TNRC6B: variants seen among roughly 807,000 people sequenced by gnomAD.
TNRC6B encodes the protein trinucleotide repeat containing adaptor 6B.
Under a neutral mutation model 203.6 loss-of-function variants are expected in TNRC6B, and 52 were observed. The ratio of observed to expected loss-of-function variants is 0.26; its 90% CI spans 0.20 to 0.32. The LOEUF is 0.32. Ranked by LOEUF, TNRC6B falls within the 10% of genes least tolerant of loss-of-function variation. TNRC6B has a pLI of 1.00. For missense variants in TNRC6B, 1,923 were observed against 2,286.2 expected (o/e 0.84, Z 3.24); for synonymous variants, 838 against 845.7 (o/e 0.99, Z 0.16).
At position 40,335,341 on chromosome 22, in the gene TNRC6B, G is replaced by A. The variant is rs1406106706; in HGVS notation, c.*12100G>A. On this transcript the variant is annotated 3_prime_UTR_variant, in exon 23 of 23. Coordinates refer to ENST00000454349, the MANE Select transcript of TNRC6B (RefSeq NM_001162501.2). The stretch of plus-strand genomic sequence containing the variant: ...TTTTATTTTCCTTTTTAGTATAGTG[G>A]TACTTAAAATCACTGGTTCACTTAA... 1 of 150,980 alleles carries A rather than the reference G, an allele frequency of 6.6e-6. No homozygotes were observed. Among genetic ancestry groups the A allele is most frequent in the East Asian group, 1.9e-4 (1 of 5,158 alleles). The allele number at this position is 150,980 out of a possible 1,614,324, so 9.4% of individuals were successfully genotyped here. A position where few individuals can be genotyped will look rare whatever the true frequency, so the allele number is the denominator to read the frequency against.
chr22:40,315,126 A>C (rs2071240100), intron 19 of TNRC6B, among the ~76,000 whole-genome samples, 157 bp from the exon 20 acceptor site: 2 of 152,230 alleles, frequency 1.3e-5, no homozygotes, highest in South Asian at 4.1e-4. Flanking sequence ...CTCTAAGAAC[A>C]GTGTTATTTT....
chr22:40,127,510 C>T (rs1436757151), intron 3 of TNRC6B, among the ~76,000 whole-genome samples: 1 of 152,116 alleles, frequency 6.6e-6, no homozygotes, highest in Non-Finnish European at 1.5e-5. Context: ...ACCCAAGATA[C>T]ACACACCCCA....
intron 4 of TNRC6B, among the ~76,000 whole-genome samples, chr22:40,264,367 AG>A (rs1215674423): frequency 2.0e-5 from 3 of 152,202 alleles, no homozygotes; most frequent in Admixed American, 2.0e-4. Flanking sequence ...AGGGGTGTTT[AG>A]AGTAGGTTGA....
intron 4 of TNRC6B, among the ~76,000 whole-genome samples, chr22:40,264,088 A>G (rs1005068348): frequency 6.6e-6 from 1 of 152,232 alleles, no homozygotes; most frequent in African/African-American, 2.4e-5. Context: ...TGAATTCAGC[A>G]GGAAAACACA....
At chr22:40,096,329 T>C (rs574792154) in intron 1 of TNRC6B, among the ~76,000 whole-genome samples, 7 of 152,364 alleles carry the variant, frequency 4.6e-5, no homozygotes, top group African/African-American at 1.4e-4. Flanking sequence ...ATGGTTGTTA[T>C]GGATAATCAG....
At chr22:40,139,875 T>C (rs1373227496) in intron 3 of TNRC6B, among the ~76,000 whole-genome samples, 2 of 152,206 alleles carry the variant, frequency 1.3e-5, no homozygotes, top group Non-Finnish European at 2.9e-5. Context: ...ACTACACCAT[T>C]TTATATTCTC....
At chr22:40,216,826 A>G (rs1397160297) in intron 1 of TNRC6B, among the ~76,000 whole-genome samples, 1 of 152,120 alleles carries the variant, frequency 6.6e-6, no homozygotes, top group Non-Finnish European at 1.5e-5. Context: ...AATATTGAAA[A>G]CGTACATACT....
In TNRC6B at chr22:40,265,315, G is replaced by A. The variant is rs377243434; in HGVS notation, c.1085G>A (p.Arg362Lys). The A allele has an allele frequency of 5.1e-5, 82 of 1,613,912 alleles. No individual in the cohort carries two copies. Among genetic ancestry groups the A allele is most frequent in the Non-Finnish European group, 6.4e-5 (75 of 1,179,898 alleles). ...NAGVNFVVSG[R>K]EQAQIHNTDG... The stretch of plus-strand genomic sequence containing the variant: ...GGTGTTAATTTTGTTGTCTCTGGCA[G>A]AGAACAGGCTCAAATTCATAACACT... Residue 362 changes from arginine to lysine, a missense_variant, in exon 5 of 23, where the codon AGA becomes AAA. By Grantham distance (26) the Arg-to-Lys change is conservative. Transcript: ENST00000454349.
At chr22:40,163,983 C>T (rs2085952518) in intron 4 of TNRC6B, among the ~76,000 whole-genome samples, 1 of 152,016 alleles carries the variant, frequency 6.6e-6, no homozygotes, top group African/African-American at 2.4e-5. Flanking sequence ...GCACAAAAAG[C>T]ATCTATAAAT....
intron 1 of TNRC6B, among the ~76,000 whole-genome samples, chr22:40,205,182 G>A (rs138562683): frequency 6.6e-6 from 1 of 152,202 alleles, no homozygotes; most frequent in Admixed American, 6.5e-5. Flanking sequence ...AAATTGTCAG[G>A]ATCTTTTGTC....
intron 7 of TNRC6B, among the ~76,000 whole-genome samples, 197 bp downstream of exon 7, chr22:40,273,797 A>G (rs571198834): frequency 1.3e-5 from 2 of 152,090 alleles, no homozygotes; most frequent in Non-Finnish European, 2.9e-5. Context: ...AGTAGCCGGA[A>G]CTATCACCAT....
At position 40,265,896 on chromosome 22, in the gene TNRC6B, C is replaced by T. The variant is rs577376433; in HGVS notation, c.1666C>T (p.Pro556Ser). 66 of 1,613,888 alleles carry T rather than the reference C, an allele frequency of 4.1e-5. No homozygotes were observed. Among genetic ancestry groups the T allele is most frequent in the Non-Finnish European group, 5.1e-5 (60 of 1,179,900 alleles). Residue 556 changes from proline (P) to serine (S), a missense_variant, in exon 5 of 23, where the codon CCC becomes TCC. By Grantham distance (74) the Pro-to-Ser change is moderately conservative. This residue lies in a region of TNRC6B where 614 missense variants were observed against 587.7 expected (regional missense o/e 1.04). Coordinates refer to ENST00000454349, the MANE Select transcript of TNRC6B (RefSeq NM_001162501.2). ...TGAAAACCAAGGCAATGCCCAGGCT[C>T]CCTGTTGGGGAAGATCTTCCAGCTC... ...LPENQGNAQAPCWGRSSSSTG... is the reference protein window; with the variant it reads ...LPENQGNAQASCWGRSSSSTG...
intron 1 of TNRC6B, among the ~76,000 whole-genome samples, chr22:40,062,563 T>C (rs910946176): frequency 5.3e-5 from 8 of 152,150 alleles, no homozygotes; most frequent in Admixed American, 4.6e-4. Flanking sequence ...CAGACTATTT[T>C]CAAAAAGGGC....
intron 7 of TNRC6B, among the ~76,000 whole-genome samples, chr22:40,276,035 T>A (rs184265631): frequency 1.3e-5 from 2 of 151,588 alleles, no homozygotes; most frequent in African/African-American, 4.8e-5. Flanking sequence ...CTTTCAAGGA[T>A]AATAAAATTG....
rs1224881512 is a variant in TNRC6B, at chr22:40,261,820, CCT to C, written c.116-7_116-6del. 5 of 1,526,608 alleles carry C rather than the reference CCT, an allele frequency of 3.3e-6. No individual in the cohort carries two copies. Among genetic ancestry groups the C allele is most frequent in the East Asian group, 2.3e-5 (1 of 43,456 alleles). The allele number at this position is 1,526,608 out of a possible 1,614,324, so 94.6% of individuals were successfully genotyped here. A position where few individuals can be genotyped will look rare whatever the true frequency, so the allele number is the denominator to read the frequency against. ...GTATTTCAAAGACTGTTTCCCAACC[CCT>C]CTCTTTTAGTGCCCGAAGTGACGAA... On this transcript the variant is annotated splice_polypyrimidine_tract_variant and intron_variant, in intron 3 of 22. Transcript: ENST00000454349.
At chr22:40,099,254 G>GAA (rs60507984) in intron 1 of TNRC6B, among the ~76,000 whole-genome samples, 1 of 121,582 alleles carries the variant, frequency 8.2e-6, no homozygotes. Context: ...ACTCTGTCTC[G>GAA]AAAAAAAAAA....
In TNRC6B at chr22:40,178,030, T is replaced by G; in HGVS notation, c.-106T>G. The stretch of plus-strand genomic sequence containing the variant: ...TCTGCTGGTTTCTGAATATTTAAAA[T>G]ACAAAAAAACAGATAGACAAAAAGA... On this transcript the variant is annotated 5_prime_UTR_variant, in exon 1 of 23. Transcript: ENST00000454349. The G allele has an allele frequency of 6.4e-7, 1 of 1,572,294 alleles. No homozygotes were observed. The highest frequency in any genetic ancestry group is 8.6e-7 in the Non-Finnish European group (1 of 1,164,930).
chr22:40,163,966 G>T (rs540205632), intron 4 of TNRC6B, among the ~76,000 whole-genome samples: 1 of 151,990 alleles, frequency 6.6e-6, no homozygotes, highest in Admixed American at 6.6e-5. Context: ...GCCTAGAGAG[G>T]TGCCTGGCAC....
At chr22:40,106,749 G>A (rs904746941) in intron 1 of TNRC6B, 8 of 778,494 alleles carry the variant, frequency 1.0e-5, no homozygotes, top group African/African-American at 6.7e-5. Flanking sequence ...AACACCTTTC[G>A]GACCTTTGGG....
Sources: gnomAD v4.1 joint callset for allele counts (sites outside exome capture counted in the v4.1 genomes callset) on GRCh38, gnomAD v4.1.1 for gene constraint, gnomAD v4.1.1 regional missense constraint, MANE v1.5 for transcripts, NCBI Gene and HGNC (gene_info 2026-07-23, HGNC 2026-07-21) for gene names.